Variants in GSKIP observed in about 807,000 individuals in gnomAD.
GSKIP encodes GSK3B-interacting protein.
Under a neutral mutation model 11.9 loss-of-function variants are expected in GSKIP, and 5 were observed. The observed-to-expected ratio is 0.42, with a 90% confidence interval of 0.22 to 0.89. The LOEUF is 0.89. GSKIP is among the 40% of genes least tolerant of loss of function. The pLI, the probability that GSKIP is intolerant of heterozygous loss-of-function variation, is 0.29. For synonymous variants in GSKIP, 70 were observed against 62.9 expected, an observed-to-expected ratio of 1.11 and a Z score of -0.54; for missense variants, 150 against 166.6, an observed-to-expected ratio of 0.90 and a Z score of 0.55.
At chr14:96,377,224 A>T (rs560283144) in intron 1 of GSKIP, among the ~76,000 whole-genome samples, 1 of 152,352 alleles carries the variant, frequency 6.6e-6, no homozygotes, top group South Asian at 2.1e-4. Flanking sequence ...TAGCTGCTGT[A>T]TTGGAGGGCA....
At chr14:96,365,797 GC>G (rs1294661718) in intron 1 of GSKIP, among the ~76,000 whole-genome samples, 1 of 151,972 alleles carries the variant, frequency 6.6e-6, no homozygotes, top group Non-Finnish European at 1.5e-5. Flanking sequence ...TTGTGCCACT[GC>G]ACTCCAGCCT....
At position 96,382,352 on chromosome 14, in the gene GSKIP, C is replaced by G. The variant is rs202106867; in HGVS notation, c.105C>G (p.Leu35=). The change falls in exon 3 of 4, where the codon CTC becomes CTG. Residue 35 remains leucine (L), a synonymous_variant. Coordinates refer to ENST00000555181, the MANE Select transcript of GSKIP (RefSeq NM_016472.5). ...GAACTGACATGAAAGACATGAGGCTCGAAGCTGAAGCAGTTGTAAATGATG... is the reference window on the plus strand; with the variant it reads ...GAACTGACATGAAAGACATGAGGCTGGAAGCTGAAGCAGTTGTAAATGATG... The part of the protein sequence containing the change: ...FEGTDMKDMR[L]EAEAVVNDVL... 1.2e-6 allele frequency: 2 copies of G among 1,613,574 alleles called. No individual in the cohort carries two copies. The highest frequency in any genetic ancestry group is 2.2e-5 in the East Asian group (1 of 44,846).
chr14:96,377,249 T>A (rs1000780056), intron 1 of GSKIP, among the ~76,000 whole-genome samples: 1 of 152,206 alleles, frequency 6.6e-6, no homozygotes, highest in African/African-American at 2.4e-5. Flanking sequence ...TAAAGAACAT[T>A]TCCGTCATCA....
intron 1 of GSKIP, among the ~76,000 whole-genome samples, chr14:96,369,992 C>T (rs1237618713): frequency 2.0e-5 from 3 of 152,174 alleles, no homozygotes; most frequent in Admixed American, 2.0e-4. Context: ...AGGGATGAGA[C>T]TGCCCAAAGC....
chr14:96,386,653 G>A lies in GSKIP; in HGVS notation c.*969G>A, dbSNP rs535327309. ...GATGTACAGTGTTCTGTCTCCATTC[G>A]AAATCTACAATGTAATATGAGTGCA... On this transcript the variant is annotated 3_prime_UTR_variant, in exon 4 of 4. Coordinates refer to ENST00000555181, the MANE Select transcript of GSKIP (RefSeq NM_016472.5). 1.3e-5 allele frequency: 2 copies of A among 152,678 alleles called. No individual in the cohort carries two copies. Among genetic ancestry groups the A allele is most frequent in the South Asian group, 2.1e-4 (1 of 4,830 alleles). 9.5% of individuals were successfully genotyped at this position (152,678 alleles called of 1,614,324 possible). A position where few individuals can be genotyped will look rare whatever the true frequency, so the allele number is the denominator to read the frequency against.
chr14:96,364,054 G>T (rs567319058), intron 1 of GSKIP: 1 of 152,360 alleles, frequency 6.6e-6, no homozygotes, highest in Admixed American at 6.5e-5. Context: ...CGAAGCATCT[G>T]TGGGCAAAAC....
chr14:96,371,763 A>G (rs1452260081), intron 1 of GSKIP, among the ~76,000 whole-genome samples: 1 of 152,148 alleles, frequency 6.6e-6, no homozygotes, highest in Non-Finnish European at 1.5e-5. Context: ...ATCAACAATT[A>G]ATTTTTAACA....
At chr14:96,370,758 C>T (rs539517841) in intron 1 of GSKIP, among the ~76,000 whole-genome samples, 4 of 152,320 alleles carry the variant, frequency 2.6e-5, no homozygotes, top group South Asian at 4.1e-4. Flanking sequence ...ATTGCAAATG[C>T]CGGCACTGTG....
intron 1 of GSKIP, chr14:96,364,803 C>A (rs555509060): frequency 6.6e-6 from 1 of 152,306 alleles, no homozygotes; most frequent in South Asian, 2.1e-4. Context: ...AGTTTATGTT[C>A]TAAAACGGAA....
chr14:96,374,438 A>G (rs893921115), intron 1 of GSKIP, among the ~76,000 whole-genome samples: 2 of 152,228 alleles, frequency 1.3e-5, no homozygotes, highest in African/African-American at 4.8e-5. Context: ...GAAAAGAAGC[A>G]TGAAAAAACT....
At chr14:96,380,453 G>A (rs1889314813) in intron 2 of GSKIP, among the ~76,000 whole-genome samples, 1 of 149,010 alleles carries the variant, frequency 6.7e-6, no homozygotes, top group African/African-American at 2.6e-5. Context: ...AATCACTCAG[G>A]AGCTCTGAAA....
chr14:96,369,757 C>T (rs1215508183), intron 1 of GSKIP, among the ~76,000 whole-genome samples: 1 of 152,026 alleles, frequency 6.6e-6, no homozygotes, highest in Non-Finnish European at 1.5e-5. Flanking sequence ...ATCAGAAGGC[C>T]TAGGTGTCAC....
chr14:96,376,806 TAA>T (rs901155128), intron 1 of GSKIP, among the ~76,000 whole-genome samples: 2 of 152,010 alleles, frequency 1.3e-5, no homozygotes, highest in Non-Finnish European at 2.9e-5. Flanking sequence ...TTCTAGTGCT[TAA>T]AAAAAAGTCG....
chr14:96,372,074 G>T (rs1889063898), intron 1 of GSKIP, among the ~76,000 whole-genome samples: 1 of 152,134 alleles, frequency 6.6e-6, no homozygotes, highest in African/African-American at 2.4e-5. Context: ...AAACATTTGT[G>T]TACTTTTTCA....
chr14:96,378,583 G>C (rs1889263809), intron 1 of GSKIP, among the ~76,000 whole-genome samples: 1 of 152,076 alleles, frequency 6.6e-6, no homozygotes, highest in South Asian at 2.1e-4. Flanking sequence ...CCACTAATTT[G>C]GTAATTTATT....
At chr14:96,374,962 G>A (rs1889157114) in intron 1 of GSKIP, among the ~76,000 whole-genome samples, 1 of 152,090 alleles carries the variant, frequency 6.6e-6, no homozygotes, top group Non-Finnish European at 1.5e-5. Flanking sequence ...AAAAATAATT[G>A]ACTCTTTAAA....
rs554317270 is a variant in GSKIP at position 96,384,198 on chromosome 14, A to G, written c.259-1325A>G. ...TGATTCAGTTAACATTTATTGAGCA[A>G]CTATCCTGTGTCAGCAATTGAAAAT... On this transcript the variant is annotated intron_variant, in intron 3 of 3. Transcript: ENST00000555181. Among the ~76,000 whole-genome samples the G allele has an allele frequency of 2.0e-5, 3 of 152,290 alleles. No homozygotes were observed. The South Asian group carries it at 6.2e-4, about 32-fold the overall frequency.
At chr14:96,376,699 G>A (rs764262394) in intron 1 of GSKIP, among the ~76,000 whole-genome samples, 2 of 152,168 alleles carry the variant, frequency 1.3e-5, no homozygotes, top group Admixed American at 6.5e-5. Flanking sequence ...TAATTATGAT[G>A]TGTGTGTATG....
At chr14:96,376,829 T>G (rs1351114597) in intron 1 of GSKIP, among the ~76,000 whole-genome samples, 1 of 152,236 alleles carries the variant, frequency 6.6e-6, no homozygotes. Flanking sequence ...GCTATGTAGG[T>G]ACCGAGTGGA....
Sources: allele counts gnomAD v4.1 joint callset (sites outside exome capture counted in the v4.1 genomes callset), GRCh38; gene constraint gnomAD v4.1.1; transcripts MANE v1.5; gene names NCBI Gene and HGNC (gene_info 2026-07-23, HGNC 2026-07-21).